Variants in MGAT5 observed in about 807,000 individuals in gnomAD.
MGAT5 encodes the protein alpha-1,6-mannosylglycoprotein 6-beta-N-acetylglucosaminyltransferase, also known as alpha-1,6-mannosylglycoprotein 6-beta-N-acetylglucosaminyltransferase A.
A neutral mutation model predicts 94.3 loss-of-function variants in MGAT5; 30 were observed. That is an observed-to-expected ratio of 0.32 (90% CI 0.24 to 0.43). MGAT5 has a LOEUF of 0.43. Among genes scored for constraint, MGAT5 ranks in the 20% least tolerant of loss-of-function variants. The pLI is 1.00. For synonymous variants in MGAT5, 310 were observed against 322.9 expected (o/e 0.96, Z 0.43); for missense variants, 691 against 905.5 (o/e 0.76, Z 3.04).
chr2:134,350,763 G>C (rs1679330355), intron 9 of MGAT5, among the ~76,000 whole-genome samples: 1 of 152,162 alleles, frequency 6.6e-6, no homozygotes, highest in African/African-American at 2.4e-5. Context: ...CCTTAGTAAT[G>C]AGATGAAGTC....
At chr2:134,287,267 G>T (rs1007915515) in intron 2 of MGAT5, among the ~76,000 whole-genome samples, 77 of 152,186 alleles carry the variant, frequency 5.1e-4, no homozygotes, top group African/African-American at 1.8e-3. Context: ...AAGAGTTGTT[G>T]TTCTCTCAAG....
At chr2:134,229,726 C>A (rs1681255933) in intron 1 of MGAT5, among the ~76,000 whole-genome samples, 1 of 152,076 alleles carries the variant, frequency 6.6e-6, no homozygotes. Flanking sequence ...ACAGAACATT[C>A]ATAACATACC....
At chr2:134,285,369 T>C (rs1684941933) in intron 2 of MGAT5, among the ~76,000 whole-genome samples, 1 of 152,124 alleles carries the variant, frequency 6.6e-6, no homozygotes, top group Non-Finnish European at 1.5e-5. Flanking sequence ...TATTTTTAAA[T>C]AACTACATAA....
chr2:134,198,694 C>T (rs904668968), intron 1 of MGAT5, among the ~76,000 whole-genome samples: 6 of 152,138 alleles, frequency 3.9e-5, no homozygotes, highest in Admixed American at 3.3e-4. Flanking sequence ...AAGTAGTGCA[C>T]GTTCTCAGGG....
chr2:134,414,525 A>T (rs1382482480), intron 12 of MGAT5, among the ~76,000 whole-genome samples: 1 of 152,162 alleles, frequency 6.6e-6, no homozygotes, highest in Non-Finnish European at 1.5e-5. Flanking sequence ...TAAGGTGTAC[A>T]CCTTGATGTT....
intron 1 of MGAT5, among the ~76,000 whole-genome samples, chr2:134,164,157 C>T (rs923668437): frequency 6.6e-6 from 1 of 152,176 alleles, no homozygotes; most frequent in South Asian, 2.1e-4. Flanking sequence ...TTGGAGCTAC[C>T]CCCAGAATTT....
At position 134,254,387 on chromosome 2, in the gene MGAT5, G is replaced by A. The variant is rs759026906; in HGVS notation, c.-17G>A. ...TACGCGTTAAGAGCCAAGGACAGGT[G>A]AAGTTGCCAGAGAGCAATGGCTCTC... On this transcript the variant is annotated 5_prime_UTR_variant, in exon 1 of 16. Transcript: ENST00000281923. 6.2e-7 allele frequency: 1 copy of A among 1,613,944 alleles called. No homozygotes were observed. Among genetic ancestry groups the A allele is most frequent in the Non-Finnish European group, 8.5e-7 (1 of 1,179,928 alleles).
intron 1 of MGAT5, among the ~76,000 whole-genome samples, chr2:134,127,840 T>G (rs1685918753): frequency 6.6e-6 from 1 of 152,184 alleles, no homozygotes; most frequent in Non-Finnish European, 1.5e-5. Flanking sequence ...CTCAGCTACT[T>G]TAGTTTCTTT....
In MGAT5 at chr2:134,266,782, TG is replaced by T. The variant is rs3838495; in HGVS notation, c.242-3601del. Among the ~76,000 whole-genome samples, 1,040 of 152,294 alleles carry T rather than the reference TG, an allele frequency of 6.8e-3. 40 individuals carry two copies. In the East Asian group the frequency reaches 0.12, roughly 17 times the overall value. ...TTTTTATTAACAACATCCTTAATCTTGGGTTGGCTGCTTTGAAATGGTGACT... is the reference window on the plus strand; with the variant it reads ...TTTTTATTAACAACATCCTTAATCTTGGTTGGCTGCTTTGAAATGGTGACT... On this transcript the variant is annotated intron_variant, in intron 1 of 15. Transcript: ENST00000281923.
intron 1 of MGAT5, among the ~76,000 whole-genome samples, chr2:134,247,361 AAAAAAAAAAAAAAC>A (rs925244563): frequency 1.7e-5 from 2 of 121,008 alleles, no homozygotes; most frequent in East Asian, 2.9e-4. Flanking sequence ...GCCTGAATTA[AAAAAAAAAAAAAAC>A]AAAAAAAAAA....
At chr2:134,250,042 T>C (rs1682503914), upstream of MGAT5, among the ~76,000 whole-genome samples, 1 of 152,246 alleles carries the variant, frequency 6.6e-6, no homozygotes, top group Non-Finnish European at 1.5e-5. Flanking sequence ...TTTTTTTCTT[T>C]CTTTCAGGAG....
At chr2:134,186,645 A>G (rs1488709492) in intron 1 of MGAT5, among the ~76,000 whole-genome samples, 2 of 152,176 alleles carry the variant, frequency 1.3e-5, no homozygotes, top group East Asian at 3.9e-4. Flanking sequence ...CAGGATGTGA[A>G]CCAGGTGTGC....
intron 7 of MGAT5, among the ~76,000 whole-genome samples, chr2:134,342,522 T>C (rs1688689129): frequency 6.6e-6 from 1 of 152,056 alleles, no homozygotes; most frequent in Non-Finnish European, 1.5e-5. Flanking sequence ...GAGGCCAAGG[T>C]AGGTAGATCA....
At chr2:134,191,045 G>C (rs1251197376) in intron 1 of MGAT5, among the ~76,000 whole-genome samples, 1 of 152,224 alleles carries the variant, frequency 6.6e-6, no homozygotes, top group South Asian at 2.1e-4. Context: ...GCTTTGGAAC[G>C]TTTCATGTTC....
chr2:134,131,658 T>A (rs1275437518), intron 1 of MGAT5, among the ~76,000 whole-genome samples: 1 of 150,048 alleles, frequency 6.7e-6, no homozygotes, highest in Non-Finnish European at 1.5e-5. Context: ...ATCCACACTC[T>A]TTGCCCTATA....
chr2:134,412,762 C>T (rs772630876), intron 11 of MGAT5, 107 bp from the exon 12 acceptor site: 8 of 1,400,122 alleles, frequency 5.7e-6, no homozygotes, highest in Non-Finnish European at 7.9e-6. Flanking sequence ...GTGAGGTGTC[C>T]ACACGGGAAT....
upstream of MGAT5, among the ~76,000 whole-genome samples, chr2:134,251,988 G>T (rs1682634107): frequency 6.6e-6 from 1 of 152,190 alleles, no homozygotes; most frequent in Non-Finnish European, 1.5e-5. Flanking sequence ...TACGGTAGTT[G>T]CCTTTCTGTG....
chr2:134,189,602 G>GTTTTGTTTTGTTTT lies in MGAT5; in HGVS notation c.-142-64656_-142-64655insGTTTTGTTTTTTTT, dbSNP rs1553490380. ...AACCTCATGGCTCTAGTTTTTTTTT[G>GTTTTGTTTTGTTTT]TTTTTTTTTTTTTTTTTTAAGACAG... On this transcript the variant is annotated intron_variant, in intron 1 of 16. Coordinates refer to the MGAT5 transcript ENST00000409645. 5.6e-3 allele frequency among the ~76,000 whole-genome samples: 471 copies of GTTTTGTTTTGTTTT among 84,642 alleles called. 8 individuals carry two copies. The highest frequency in any genetic ancestry group is 0.013 in the East Asian group (41 of 3,042). The allele number at this position is 84,642 out of a possible 152,430, so 55.5% of individuals were successfully genotyped here.
At chr2:134,224,887 AGGGAAACATG>A (rs1185822605) in intron 1 of MGAT5, among the ~76,000 whole-genome samples, 1 of 151,964 alleles carries the variant, frequency 6.6e-6, no homozygotes, top group Non-Finnish European at 1.5e-5. Flanking sequence ...AAGACCAGCC[AGGGAAACATG>A]GGGAAACCCC....
Sources: allele counts gnomAD v4.1 joint callset (sites outside exome capture counted in the v4.1 genomes callset), GRCh38; gene constraint gnomAD v4.1.1; transcripts MANE v1.5; gene names NCBI Gene and HGNC (gene_info 2026-07-23, HGNC 2026-07-21).